KLHL1: variants seen among roughly 807,000 people sequenced by gnomAD.
KLHL1 encodes the protein kelch-like protein 1.
A neutral mutation model predicts 77.7 loss-of-function variants in KLHL1; 47 were observed. The observed-to-expected ratio is 0.60, with a 90% CI of 0.48 to 0.77. The LOEUF (loss-of-function observed/expected upper bound fraction) is 0.77. Ranked by LOEUF, KLHL1 falls within the 30% of genes least tolerant of loss-of-function variation. The pLI is 0.00. For synonymous variants in KLHL1, 360 were observed against 325.2 expected, an observed-to-expected ratio of 1.11 and a Z score of -1.15; for missense variants, 925 against 910.8, an observed-to-expected ratio of 1.02 and a Z score of -0.20.
chr13:70,094,535 A>C (rs1366572116), intron 1 of KLHL1, among the ~76,000 whole-genome samples: 2 of 151,964 alleles, frequency 1.3e-5, no homozygotes, highest in Non-Finnish European at 2.9e-5. Flanking sequence ...AAAAATTCCT[A>C]TTCTTTCAAG....
chr13:69,780,685 C>CATATAT (rs1211073965), intron 7 of KLHL1, among the ~76,000 whole-genome samples: 178 of 28,048 alleles, frequency 6.3e-3, no homozygotes, highest in Non-Finnish European at 7.8e-3. Flanking sequence ...TCTCTTTCTT[C>CATATAT]ATATATATAT....
intron 1 of KLHL1, among the ~76,000 whole-genome samples, chr13:70,038,889 C>A (rs903358065): frequency 3.3e-5 from 5 of 152,026 alleles, no homozygotes; most frequent in Non-Finnish European, 5.9e-5. Flanking sequence ...CTGCGCCCGG[C>A]CCTAAAGTTG....
At chr13:70,107,102 T>C in intron 1 of KLHL1, 101 bp downstream of exon 1, 2 of 1,500,202 alleles carry the variant, frequency 1.3e-6, no homozygotes, top group Non-Finnish European at 1.8e-6. Flanking sequence ...AACCCACATT[T>C]TCAACCTGAA....
intron 5 of KLHL1, among the ~76,000 whole-genome samples, chr13:69,866,401 T>A (rs1880366182): frequency 6.6e-6 from 1 of 152,094 alleles, no homozygotes. Context: ...ACCATCAATT[T>A]AGGATCATTT....
At chr13:69,913,412 TG>T (rs1317626074) in intron 4 of KLHL1, among the ~76,000 whole-genome samples, 7 of 152,166 alleles carry the variant, frequency 4.6e-5, no homozygotes, top group Non-Finnish European at 7.3e-5. Context: ...GGGAGAGGCA[TG>T]GGGCAGGGTC....
chr13:69,939,339 A>T (rs1883280105), intron 4 of KLHL1, among the ~76,000 whole-genome samples: 1 of 64,776 alleles, frequency 1.5e-5, no homozygotes, highest in South Asian at 5.9e-4. Flanking sequence ...ACATATACAT[A>T]CATATATATA....
Position 69,719,565 on chromosome 13 carries a change from C to T in KLHL1, c.1819G>A (p.Gly607Ser). The change falls in exon 9 of 11, where the codon GGT (glycine) becomes AGT (serine). Residue 607 changes from glycine to serine, a missense_variant. Gly to Ser is a moderately conservative substitution (Grantham distance 56). Transcript: ENST00000377844. ...CTCAAACAGGAACTTCCATCACGACCTCCAACTGAATACAACCTAAAAACA... is the reference window on the plus strand; with the variant it reads ...CTCAAACAGGAACTTCCATCACGACTTCCAACTGAATACAACCTAAAAACA... ...ALNGKLYSVG[G>S]RDGSSCLSSM... 1 of 1,611,862 alleles carries T rather than the reference C, an allele frequency of 6.2e-7. No homozygotes were observed.
intron 7 of KLHL1, among the ~76,000 whole-genome samples, chr13:69,791,549 G>A (rs182810395): frequency 2.0e-4 from 30 of 152,162 alleles, no homozygotes; most frequent in African/African-American, 7.2e-4. Flanking sequence ...CAAAGCTTCA[G>A]TAAACAAGAA....
In KLHL1 at chr13:69,701,495, G is replaced by A. The variant is rs1311637071; in HGVS notation, c.*207C>T. 4.1e-6 allele frequency: 2 copies of A among 489,838 alleles called. No homozygotes were observed. The highest frequency in any genetic ancestry group is 7.3e-6 in the Non-Finnish European group (2 of 274,460). 30.3% of individuals were successfully genotyped at this position (489,838 alleles called of 1,614,324 possible). A position where few individuals can be genotyped will look rare whatever the true frequency, so the allele number is the denominator to read the frequency against. Reference sequence around the variant, plus strand: ...ACCATTCCCGAACTAACTAACATATGGCCAGACATTTTTCCTGTATAAGTT... The same window carrying A: ...ACCATTCCCGAACTAACTAACATATAGCCAGACATTTTTCCTGTATAAGTT... On this transcript the variant is annotated 3_prime_UTR_variant, in exon 11 of 11. Coordinates refer to ENST00000377844, the MANE Select transcript of KLHL1 (RefSeq NM_020866.3).
At chr13:70,095,896 C>T (rs1887778378) in intron 1 of KLHL1, among the ~76,000 whole-genome samples, 1 of 151,948 alleles carries the variant, frequency 6.6e-6, no homozygotes, top group Admixed American at 6.6e-5. Context: ...ACTCTATCTC[C>T]ATGAGTTCAT....
chr13:69,925,214 A>C (rs1289665841), intron 4 of KLHL1, among the ~76,000 whole-genome samples: 2 of 152,190 alleles, frequency 1.3e-5, no homozygotes, highest in Non-Finnish European at 2.9e-5. Flanking sequence ...TTTTTTGTCT[A>C]GTTTTCATAA....
chr13:69,734,608 T>A (rs1019976397), intron 8 of KLHL1, among the ~76,000 whole-genome samples: 1 of 151,970 alleles, frequency 6.6e-6, no homozygotes, highest in Non-Finnish European at 1.5e-5. Flanking sequence ...AACCATATAA[T>A]GACACTGGCA....
At chr13:69,983,964 A>G (rs1884792770) in intron 1 of KLHL1, among the ~76,000 whole-genome samples, 2 of 152,220 alleles carry the variant, frequency 1.3e-5, no homozygotes, top group South Asian at 4.1e-4. Flanking sequence ...CATGCAGAAG[A>G]GTGAAACAAC....
intron 5 of KLHL1, among the ~76,000 whole-genome samples, chr13:69,860,284 C>T (rs933906743): frequency 2.0e-5 from 3 of 151,866 alleles, no homozygotes; most frequent in African/African-American, 7.2e-5. Context: ...TCAGAACAAA[C>T]AAGTAGAAAA....
chr13:69,843,400 C>T (rs1879341074), intron 5 of KLHL1, among the ~76,000 whole-genome samples: 1 of 151,564 alleles, frequency 6.6e-6, no homozygotes, highest in African/African-American at 2.4e-5. Flanking sequence ...AGACTCATGA[C>T]ATAGATTTAA....
intron 6 of KLHL1, among the ~76,000 whole-genome samples, chr13:69,835,298 C>CA (rs532323674): frequency 8.6e-5 from 13 of 151,802 alleles, no homozygotes; most frequent in African/African-American, 1.4e-4. Flanking sequence ...GGGCAAATTA[C>CA]AAAAAAAATT....
intron 8 of KLHL1, among the ~76,000 whole-genome samples, chr13:69,736,547 C>A (rs55800549): frequency 0.047 from 7,147 of 152,058 alleles, 521 homozygotes; most frequent in African/African-American, 0.15. Flanking sequence ...TGGGCCTCTA[C>A]CCAGAGGAAA....
At chr13:69,813,471 T>TACAC (rs1201559230) in intron 6 of KLHL1, among the ~76,000 whole-genome samples, 1 of 119,200 alleles carries the variant, frequency 8.4e-6, no homozygotes, top group African/African-American at 3.2e-5. Flanking sequence ...CACACATATA[T>TACAC]ACACACACAT....
At chr13:69,847,416 A>AGC (rs1566319896) in intron 5 of KLHL1, among the ~76,000 whole-genome samples, 2 of 151,130 alleles carry the variant, frequency 1.3e-5, no homozygotes, top group Non-Finnish European at 3.0e-5. Flanking sequence ...AAAAAAAAAA[A>AGC]AAAAAAAAAA....
Sources: gnomAD v4.1 joint callset for allele counts (sites outside exome capture counted in the v4.1 genomes callset) on GRCh38, gnomAD v4.1.1 for gene constraint, MANE v1.5 for transcripts, NCBI Gene and HGNC (gene_info 2026-07-23, HGNC 2026-07-21) for gene names.